The following C8orf34 variants were observed in gnomAD, a reference collection of about 807,000 sequenced individuals.
The protein encoded by C8orf34 is chromosome 8 open reading frame 34.
A neutral mutation model predicts 68.3 loss-of-function variants in C8orf34; 65 were observed. The observed-to-expected ratio is 0.95, with a 90% CI of 0.78 to 1.17. The LOEUF is 1.17. Ranked by LOEUF, C8orf34 falls within the 50% of genes most tolerant of loss-of-function variation. The probability of loss-of-function intolerance (pLI) is 0.00; values close to 1 mark genes in which losing one functional copy is unlikely to be tolerated. For missense variants in C8orf34, 664 were observed against 655.4 expected, an observed-to-expected ratio of 1.01 and a Z score of -0.14; for synonymous variants, 244 against 241.2, an observed-to-expected ratio of 1.01 and a Z score of -0.11.
At position 68,390,203 on chromosome 8, in the gene C8orf34, C is replaced by T. The variant is rs143938981; in HGVS notation, c.328-49296C>T. Among the ~76,000 whole-genome samples the T allele has an allele frequency of 7.6e-3, 1,160 of 152,224 alleles. 20 individuals carry two copies. Among genetic ancestry groups the T allele is most frequent in the African/African-American group, 0.024 (1,014 of 41,536 alleles). On this transcript the variant is annotated intron_variant, in intron 1 of 13. Coordinates refer to ENST00000518698, the MANE Select transcript of C8orf34 (RefSeq NM_052958.4). Reference sequence around the variant, plus strand: ...TAATTGGGGCTGAAGGACGTGAGGGCCCCTGTCCAGCCCACCATTCTGTGC... The same window carrying T: ...TAATTGGGGCTGAAGGACGTGAGGGTCCCTGTCCAGCCCACCATTCTGTGC...
intron 1 of C8orf34, among the ~76,000 whole-genome samples, chr8:68,345,568 T>C (rs1166923111): frequency 6.6e-6 from 1 of 151,882 alleles, no homozygotes; most frequent in Non-Finnish European, 1.5e-5. Context: ...GAAGAATCAA[T>C]ATTCATAGTA....
intron 5 of C8orf34, among the ~76,000 whole-genome samples, chr8:68,508,941 C>A (rs1032976951): frequency 6.6e-6 from 1 of 152,080 alleles, no homozygotes; most frequent in African/African-American, 2.4e-5. Flanking sequence ...CCTCTCAGTT[C>A]GAATTGCAGT....
chr8:68,688,307 C>T (rs1039509690), intron 8 of C8orf34, among the ~76,000 whole-genome samples: 6 of 151,930 alleles, frequency 3.9e-5, no homozygotes, highest in Non-Finnish European at 5.9e-5. Context: ...CATACACTCA[C>T]GTTTATTGCA....
chr8:68,548,211 G>A (rs1439667045), intron 7 of C8orf34, among the ~76,000 whole-genome samples: 1 of 151,632 alleles, frequency 6.6e-6, no homozygotes, highest in African/African-American at 2.4e-5. Flanking sequence ...ATGACAGATT[G>A]CTTCTCAAAA....
chr8:68,364,751 T>C (rs1442814097), intron 1 of C8orf34, among the ~76,000 whole-genome samples: 4 of 136,432 alleles, frequency 2.9e-5, no homozygotes, highest in Non-Finnish European at 6.4e-5. Flanking sequence ...AAGCAGTGTG[T>C]AGAGGGAAAT....
At chr8:68,723,344 C>T (rs558174700) in intron 10 of C8orf34, among the ~76,000 whole-genome samples, 1 of 152,178 alleles carries the variant, frequency 6.6e-6, no homozygotes, top group East Asian at 1.9e-4. Flanking sequence ...TTAACCAATG[C>T]TTACATTGTG....
chr8:68,458,523 A>T (rs1181530456), intron 3 of C8orf34, among the ~76,000 whole-genome samples: 1 of 152,236 alleles, frequency 6.6e-6, no homozygotes, highest in Non-Finnish European at 1.5e-5. Context: ...TTGATAACAT[A>T]TAGTGATTAG....
intron 7 of C8orf34, among the ~76,000 whole-genome samples, chr8:68,613,248 G>C (rs970351032): frequency 2.0e-5 from 3 of 152,030 alleles, no homozygotes; most frequent in Non-Finnish European, 4.4e-5. Context: ...AATTTATCTT[G>C]TGGAGAAGAC....
At chr8:68,619,065 C>T (rs1818312144) in intron 7 of C8orf34, among the ~76,000 whole-genome samples, 1 of 151,986 alleles carries the variant, frequency 6.6e-6, no homozygotes, top group Admixed American at 6.6e-5. Flanking sequence ...ACTGTGACTC[C>T]ACCTGTAATC....
At chr8:68,360,891 T>C (rs1283856451) in intron 1 of C8orf34, among the ~76,000 whole-genome samples, 4 of 151,688 alleles carry the variant, frequency 2.6e-5, no homozygotes, top group Non-Finnish European at 5.9e-5. Context: ...TAGCTGGCAT[T>C]ACAGACGTGC....
chr8:68,440,307 T>G (rs1810848156), intron 2 of C8orf34, among the ~76,000 whole-genome samples: 1 of 152,190 alleles, frequency 6.6e-6, no homozygotes, highest in South Asian at 2.1e-4. Context: ...TCTTGTCTGA[T>G]TCCCGTAGAA....
At chr8:68,405,143 T>A (rs1363075999) in intron 1 of C8orf34, among the ~76,000 whole-genome samples, 1 of 152,100 alleles carries the variant, frequency 6.6e-6, no homozygotes, top group African/African-American at 2.4e-5. Flanking sequence ...TGAATGGGAG[T>A]ACATTCTTAA....
At chr8:68,684,996 A>G in intron 8 of C8orf34, among the ~76,000 whole-genome samples, 1 of 152,232 alleles carries the variant, frequency 6.6e-6, no homozygotes, top group Non-Finnish European at 1.5e-5. Context: ...AACAGGTAAA[A>G]TTAGAACATA....
chr8:68,529,137 C>CATTGT (rs899735081), intron 6 of C8orf34, among the ~76,000 whole-genome samples: 1 of 152,220 alleles, frequency 6.6e-6, no homozygotes, highest in African/African-American at 2.4e-5. Context: ...TAATTGTTCT[C>CATTGT]TGTCTTTCAT....
chr8:68,423,034 G>A (rs1810050860), intron 1 of C8orf34, among the ~76,000 whole-genome samples: 2 of 152,300 alleles, frequency 1.3e-5, no homozygotes, highest in South Asian at 4.1e-4. Flanking sequence ...GCCTGGCCAA[G>A]GAAAACATTT....
Position 68,636,410 on chromosome 8 carries a change from C to T in C8orf34, c.1106-3966C>T, listed in dbSNP as rs1818845736. 6.6e-5 allele frequency among the ~76,000 whole-genome samples: 8 copies of T among 121,102 alleles called. No homozygotes were observed. In the South Asian group the frequency reaches 2.0e-3, roughly 30 times the overall value. 79.4% of individuals were successfully genotyped at this position (121,102 alleles called of 152,430 possible). On this transcript the variant is annotated intron_variant, in intron 7 of 13. Transcript: ENST00000518698. ...CTAACACAGTGAAACCCTGCCTCTA[C>T]TAAAAAAAAAAAAAAATACAAAAAA... is the stretch of plus-strand genomic sequence containing the variant.
chr8:68,815,828 AT>A (rs1824794385), intron 12 of C8orf34, 57 bp from the exon 13 acceptor site: 1 of 1,612,932 alleles, frequency 6.2e-7, no homozygotes, highest in African/African-American at 1.3e-5. Context: ...AGGGAATGGT[AT>A]TTAATCGATG....
At chr8:68,553,024 T>A (rs1383598989) in intron 7 of C8orf34, among the ~76,000 whole-genome samples, 1 of 152,120 alleles carries the variant, frequency 6.6e-6, no homozygotes, top group Non-Finnish European at 1.5e-5. Flanking sequence ...TGTTTTATTT[T>A]ATTTTAATGC....
chr8:68,496,107 AAAG>A (rs1352577853), intron 5 of C8orf34, among the ~76,000 whole-genome samples: 1 of 152,240 alleles, frequency 6.6e-6, no homozygotes, highest in Non-Finnish European at 1.5e-5. Flanking sequence ...AATGTCTTAA[AAAG>A]AAGACTTTTT....
Sources: allele counts gnomAD v4.1 joint callset (sites outside exome capture counted in the v4.1 genomes callset), GRCh38; gene constraint gnomAD v4.1.1; transcripts MANE v1.5; gene names NCBI Gene and HGNC (gene_info 2026-07-23, HGNC 2026-07-21).